Variants in CRACD observed in about 807,000 individuals in gnomAD.
The protein encoded by CRACD is capping protein inhibiting regulator of actin dynamics, also known as capping protein-inhibiting regulator of actin dynamics.
In CRACD, 56 loss-of-function variants were observed where a neutral mutation model predicts 106.8. That is an observed-to-expected ratio of 0.52 (90% CI 0.42 to 0.66). The LOEUF (loss-of-function observed/expected upper bound fraction) is 0.66. Ranked by LOEUF, CRACD falls within the 30% of genes least tolerant of loss-of-function variation. The probability of loss-of-function intolerance (pLI) is 0.00; values close to 1 mark genes in which losing one functional copy is unlikely to be tolerated. For synonymous variants in CRACD, 754 were observed against 670.8 expected (o/e 1.12, Z -1.92); for missense variants, 1,730 against 1,623.2 (o/e 1.07, Z -1.13).
intron 2 of CRACD, among the ~76,000 whole-genome samples, chr4:56,264,383 G>A (rs2109624168): frequency 6.6e-6 from 1 of 152,248 alleles, no homozygotes; most frequent in East Asian, 1.9e-4. Context: ...TCATCACATT[G>A]AGAAGGAAGC....
intron 3 of CRACD, among the ~76,000 whole-genome samples, chr4:56,279,719 T>C (rs1314753672): frequency 1.3e-5 from 2 of 152,146 alleles, no homozygotes; most frequent in Non-Finnish European, 2.9e-5. Flanking sequence ...GTTCAACCAT[T>C]GTGGAAGTCA....
Position 56,323,063 on chromosome 4 carries a change from C to T in CRACD, c.3188-314C>T, listed in dbSNP as rs77617754. Among the ~76,000 whole-genome samples, 1,292 of 152,236 alleles carry T rather than the reference C, an allele frequency of 8.5e-3. 16 individuals carry two copies. The highest frequency in any genetic ancestry group is 0.029 in the African/African-American group (1,203 of 41,538). On this transcript the variant is annotated intron_variant, in intron 8 of 10. Coordinates refer to ENST00000682029, the MANE Select transcript of CRACD (RefSeq NM_001393381.1). ...AAGGAATGAATTTAAAAAAGAACAA[C>T]GAACCAAATACCTATCTGGATGCCC...
chr4:56,315,913 C>G lies in CRACD; in HGVS notation c.2411C>G (p.Pro804Arg). 6.2e-7 allele frequency: 1 copy of G among 1,614,214 alleles called. No homozygotes were observed. Among genetic ancestry groups the G allele is most frequent in the Non-Finnish European group, 8.5e-7 (1 of 1,180,046 alleles). The stretch of plus-strand genomic sequence containing the variant: ...CCGTCTTTCCTTGTCCCAAGCCTTC[C>G]TTACCCTCCGCAGAAAGTGGTGGCC... ...DLPSFLVPSL[P>R]YPPQKVVAHT... Residue 804 changes from proline (P) to arginine (R), a missense_variant, in exon 8 of 11, where the codon CCT becomes CGT. Physicochemically the swap from Pro to Arg is moderately radical, Grantham distance 103 (BLOSUM62 -2). Around this residue, in one of 5 missense-constraint regions of CRACD, gnomAD observed 1,620 missense variants for 1,481.6 expected, o/e 1.09. Coordinates refer to ENST00000682029, the MANE Select transcript of CRACD (RefSeq NM_001393381.1). This position sits in a 1 kb window ranked among gnomAD's most constrained non-coding sequence, Gnocchi z 4.1.
chr4:56,210,765 T>C (rs540106488), intron 2 of CRACD, among the ~76,000 whole-genome samples: 7 of 152,224 alleles, frequency 4.6e-5, no homozygotes, highest in Non-Finnish European at 1.0e-4. Flanking sequence ...GCCAGTTAGA[T>C]GAGTTAAAGG....
intron 2 of CRACD, among the ~76,000 whole-genome samples, chr4:56,253,654 A>C (rs757880843): frequency 1.3e-5 from 2 of 152,232 alleles, no homozygotes; most frequent in Non-Finnish European, 2.9e-5. Flanking sequence ...AAACCAAAAA[A>C]CACAGCAATA....
intron 1 of CRACD, among the ~76,000 whole-genome samples, chr4:56,055,219 G>A (rs886839771): frequency 6.6e-6 from 1 of 151,972 alleles, no homozygotes; most frequent in African/African-American, 2.4e-5. Flanking sequence ...CCACTCACCT[G>A]GGGAGGGATT....
intron 2 of CRACD, among the ~76,000 whole-genome samples, chr4:56,223,358 G>A (rs1739145836): frequency 6.6e-6 from 1 of 152,100 alleles, no homozygotes; most frequent in Non-Finnish European, 1.5e-5. Flanking sequence ...AATTGGTAGG[G>A]ATTGAGGTGC....
intron 2 of CRACD, among the ~76,000 whole-genome samples, chr4:56,190,930 C>A (rs935211277): frequency 1.1e-4 from 16 of 152,014 alleles, no homozygotes; most frequent in Non-Finnish European, 1.0e-4. Flanking sequence ...GGGAAACCAC[C>A]CCCATGATGC....
chr4:56,186,722 G>C (rs1737108052), intron 2 of CRACD, among the ~76,000 whole-genome samples: 1 of 152,126 alleles, frequency 6.6e-6, no homozygotes, highest in South Asian at 2.1e-4. Context: ...ACAGAGAACT[G>C]TAAGTAGTTG....
rs530036453 is a variant in CRACD at position 56,313,123 on chromosome 4, G to A, written c.355-74G>A. The A allele has an allele frequency of 4.9e-5, 66 of 1,351,886 alleles. 1 individual carries two copies. Among genetic ancestry groups the A allele is most frequent in the Non-Finnish European group, 6.0e-5 (58 of 964,190 alleles). The allele number at this position is 1,351,886 out of a possible 1,614,324, so 83.7% of individuals were successfully genotyped here. A position where few individuals can be genotyped will look rare whatever the true frequency, so the allele number is the denominator to read the frequency against. On this transcript the variant is annotated intron_variant, in intron 6 of 10. Coordinates refer to ENST00000682029, the MANE Select transcript of CRACD (RefSeq NM_001393381.1). ...CTGGGCGAGGCGCACACTGGAACGA[G>A]TGCCACCGTTCTGCGATTCCCTGCA...
intron 2 of CRACD, among the ~76,000 whole-genome samples, chr4:56,203,971 G>A (rs1381757495): frequency 6.6e-6 from 1 of 152,248 alleles, no homozygotes; most frequent in African/African-American, 2.4e-5. Flanking sequence ...TCTGTAGACA[G>A]ATGCAGCCCC....
intron 2 of CRACD, among the ~76,000 whole-genome samples, chr4:56,197,987 T>C (rs998440433): frequency 2.6e-5 from 4 of 152,174 alleles, no homozygotes; most frequent in African/African-American, 9.6e-5. Flanking sequence ...GGGTGATTTT[T>C]TTTTAATTTA....
At chr4:56,247,249 C>T (rs1402455584) in intron 2 of CRACD, among the ~76,000 whole-genome samples, 1 of 151,566 alleles carries the variant, frequency 6.6e-6, no homozygotes, top group Non-Finnish European at 1.5e-5. Context: ...TAGACTGTAT[C>T]TTTTGAAGCT....
intron 1 of CRACD, among the ~76,000 whole-genome samples, chr4:56,107,584 C>T (rs184568689): frequency 6.6e-6 from 1 of 152,252 alleles, no homozygotes; most frequent in African/African-American, 2.4e-5. Flanking sequence ...CACTGGCAGT[C>T]CCATTGGTCT....
chr4:56,173,139 A>G (rs1436645303), intron 1 of CRACD, among the ~76,000 whole-genome samples: 1 of 152,210 alleles, frequency 6.6e-6, no homozygotes, highest in African/African-American at 2.4e-5. Context: ...GGGTGACCCC[A>G]CAGATCGCAG....
intron 1 of CRACD, among the ~76,000 whole-genome samples, chr4:56,121,693 G>C (rs748565103): frequency 6.6e-6 from 1 of 152,030 alleles, no homozygotes; most frequent in East Asian, 1.9e-4. Context: ...TAGCATGATG[G>C]GTTACATGAA....
At chr4:56,144,794 C>T (rs1207776607) in intron 1 of CRACD, among the ~76,000 whole-genome samples, 3 of 152,046 alleles carry the variant, frequency 2.0e-5, no homozygotes, top group Non-Finnish European at 4.4e-5. Flanking sequence ...GCTGGGATTA[C>T]AGGCACTGGC....
chr4:56,287,880 G>C (rs891980454), intron 3 of CRACD, among the ~76,000 whole-genome samples: 4 of 152,198 alleles, frequency 2.6e-5, no homozygotes, highest in Non-Finnish European at 4.4e-5. Context: ...GGGCTTAAAT[G>C]TTTTAAGATG....
At chr4:56,296,915 TG>T (rs1166393399) in intron 3 of CRACD, among the ~76,000 whole-genome samples, 95 of 127,078 alleles carry the variant, frequency 7.5e-4, no homozygotes, top group Middle Eastern at 4.6e-3. Flanking sequence ...TCTTTTTTTT[TG>T]TTTGTTTTTT....
Sources: gnomAD v4.1 joint callset for allele counts (sites outside exome capture counted in the v4.1 genomes callset) on GRCh38, gnomAD v4.1.1 for gene constraint, gnomAD v4.1.1 regional missense constraint, Gnocchi (gnomAD v3.1) non-coding constraint, MANE v1.5 for transcripts, NCBI Gene and HGNC (gene_info 2026-07-23, HGNC 2026-07-21) for gene names.